The following THSD7A variants were observed in gnomAD, a reference collection of about 807,000 sequenced individuals.
THSD7A encodes the protein thrombospondin type 1 domain containing 7A.
THSD7A carries 96 observed loss-of-function variants against 231.3 expected under a neutral mutation model. The ratio of observed to expected loss-of-function variants is 0.41; its 90% CI spans 0.35 to 0.49. THSD7A has a LOEUF of 0.49. Ranked by LOEUF, THSD7A falls within the 20% of genes least tolerant of loss-of-function variation. The probability of loss-of-function intolerance (pLI) is 0.05; values close to 1 mark genes in which losing one functional copy is unlikely to be tolerated. For missense variants in THSD7A, 2,290 were observed against 2,070.2 expected (o/e 1.11, Z -2.06); for synonymous variants, 940 against 743.3 (o/e 1.26, Z -4.30).
chr7:11,481,810 A>G lies in THSD7A; in HGVS notation c.1995T>C (p.Ile665=). The G allele has an allele frequency of 1.9e-6, 3 of 1,613,296 alleles. No individual in the cohort carries two copies. The highest frequency in any genetic ancestry group is 2.5e-6 in the Non-Finnish European group (3 of 1,179,456). The stretch of plus-strand genomic sequence containing the variant: ...CACCTTCTTCACCCGCATAGGCCAG[A>G]ATGGATCGTGCTCGTATCTGTTTCC... ...TEGKQIRARS[I]LAYAGEEGGI... The change falls in exon 7 of 28, where the codon ATT becomes ATC. Residue 665 remains isoleucine, a synonymous_variant. Coordinates refer to ENST00000423059, the MANE Select transcript of THSD7A (RefSeq NM_015204.3).
In THSD7A at chr7:11,700,768, T is replaced by A. The variant is rs529139480; in HGVS notation, c.191-63807A>T. Among the ~76,000 whole-genome samples, 28 of 151,316 alleles carry A rather than the reference T, an allele frequency of 1.9e-4. No homozygotes were observed. The East Asian group carries it at 5.1e-3, about 28-fold the overall frequency. On this transcript the variant is annotated intron_variant, in intron 1 of 27. Coordinates refer to ENST00000423059, the MANE Select transcript of THSD7A (RefSeq NM_015204.3). ...TTGCTCTTGCTCTTATTGCCTTATCTATCTAATAAGTTATTCCTGTATTCA... is the reference window on the plus strand; with the variant it reads ...TTGCTCTTGCTCTTATTGCCTTATCAATCTAATAAGTTATTCCTGTATTCA...
At chr7:11,450,160 T>A (rs1283128697) in intron 11 of THSD7A, among the ~76,000 whole-genome samples, 1 of 152,026 alleles carries the variant, frequency 6.6e-6, no homozygotes, top group Non-Finnish European at 1.5e-5. Context: ...CATTATCCTG[T>A]TATGTGACAC....
intron 1 of THSD7A, among the ~76,000 whole-genome samples, chr7:11,812,031 C>G (rs1479904224): frequency 1.3e-5 from 2 of 151,170 alleles, no homozygotes; most frequent in African/African-American, 4.9e-5. Context: ...GAGAAAAGAA[C>G]CACTGAGCAT....
intron 1 of THSD7A, among the ~76,000 whole-genome samples, chr7:11,808,925 T>G (rs902547667): frequency 3.3e-5 from 5 of 152,124 alleles, no homozygotes; most frequent in Admixed American, 1.3e-4. Context: ...ATTAAATACT[T>G]AAACCATACA....
Position 11,379,784 on chromosome 7 carries a change from C to A in THSD7A, c.4508-72G>T, listed in dbSNP as rs1159611039. The A allele has an allele frequency of 3.4e-6, 5 of 1,460,614 alleles. No individual in the cohort carries two copies. The Admixed American group carries it at 5.9e-5, about 17-fold the overall frequency. 90.5% of individuals were successfully genotyped at this position (1,460,614 alleles called of 1,614,324 possible). A position where few individuals can be genotyped will look rare whatever the true frequency, so the allele number is the denominator to read the frequency against. On this transcript the variant is annotated intron_variant, in intron 24 of 27. Coordinates refer to ENST00000423059, the MANE Select transcript of THSD7A (RefSeq NM_015204.3). ...GATGAAAATACACTGTGGTTAGTGA[C>A]TTGTCTTTGAATCTTGAACCACCTT...
intron 6 of THSD7A, among the ~76,000 whole-genome samples, chr7:11,517,287 C>T (rs1435120254): frequency 6.6e-6 from 1 of 152,010 alleles, no homozygotes; most frequent in African/African-American, 2.4e-5. Flanking sequence ...ACTATGTTGG[C>T]CAGGCTGGTC....
At chr7:11,477,224 A>G (rs1786229344) in intron 7 of THSD7A, among the ~76,000 whole-genome samples, 2 of 152,232 alleles carry the variant, frequency 1.3e-5, no homozygotes, top group Admixed American at 1.3e-4. Context: ...ACAGTTTTTC[A>G]ATTGTTTCTT....
chr7:11,797,073 C>T (rs1189985326), intron 1 of THSD7A, among the ~76,000 whole-genome samples: 1 of 152,140 alleles, frequency 6.6e-6, no homozygotes, highest in Non-Finnish European at 1.5e-5. Context: ...ACTCCCCAGA[C>T]ATCCTGGGAA....
chr7:11,561,628 T>A (rs1790080011), intron 4 of THSD7A, among the ~76,000 whole-genome samples: 3 of 152,094 alleles, frequency 2.0e-5, no homozygotes, highest in African/African-American at 7.2e-5. Context: ...CCCAACAACT[T>A]GTGAGGCCAA....
At chr7:11,651,479 T>TCTA (rs1562443742) in intron 1 of THSD7A, among the ~76,000 whole-genome samples, 2 of 134,648 alleles carry the variant, frequency 1.5e-5, no homozygotes, top group African/African-American at 5.8e-5. Flanking sequence ...TATCTATCTA[T>TCTA]CTATCAACTA....
At chr7:11,818,874 GT>G (rs60803827) in intron 1 of THSD7A, among the ~76,000 whole-genome samples, 54,965 of 151,598 alleles carry the variant, frequency 0.36, 10,738 homozygotes, top group East Asian at 0.52. Flanking sequence ...TTCCCATGTG[GT>G]TTTTTTTCAT....
chr7:11,601,996 A>T (rs1780568973), intron 2 of THSD7A, among the ~76,000 whole-genome samples: 1 of 152,104 alleles, frequency 6.6e-6, no homozygotes, highest in Non-Finnish European at 1.5e-5. Flanking sequence ...CTGGCTATAA[A>T]TCTGTTTGTT....
intron 2 of THSD7A, among the ~76,000 whole-genome samples, chr7:11,621,633 C>T (rs2079821945): frequency 6.6e-6 from 1 of 151,996 alleles, no homozygotes; most frequent in African/African-American, 2.4e-5. Flanking sequence ...GACATAAATC[C>T]TTGGCACTTA....
chr7:11,475,852 T>C (rs1786148453), intron 7 of THSD7A, among the ~76,000 whole-genome samples: 1 of 150,726 alleles, frequency 6.6e-6, no homozygotes, highest in South Asian at 2.1e-4. Context: ...TCTCTGCTTG[T>C]ATAAGACAGG....
At chr7:11,387,069 T>C (rs1029121729) in intron 23 of THSD7A, among the ~76,000 whole-genome samples, 1 of 152,228 alleles carries the variant, frequency 6.6e-6, no homozygotes, top group Non-Finnish European at 1.5e-5. Flanking sequence ...CATTGGTCTA[T>C]ATATCTGTTT....
intron 6 of THSD7A, among the ~76,000 whole-genome samples, chr7:11,511,670 A>G (rs1167797455): frequency 6.6e-6 from 1 of 152,236 alleles, no homozygotes; most frequent in African/African-American, 2.4e-5. Context: ...CCTGAGAAAA[A>G]CAAGCAATGG....
chr7:11,546,202 G>GCGCGCGCACACACA (rs761841418), intron 4 of THSD7A, among the ~76,000 whole-genome samples: 13 of 129,448 alleles, frequency 1.0e-4, no homozygotes, highest in African/African-American at 2.3e-4. Context: ...GTGGGCGCGC[G>GCGCGCGCACACACA]CTCACACACA....
chr7:11,389,711 T>C (rs914661711), intron 23 of THSD7A, among the ~76,000 whole-genome samples: 2 of 151,986 alleles, frequency 1.3e-5, no homozygotes, highest in African/African-American at 4.8e-5. Context: ...AGTTTCTTCA[T>C]AGTGTTGATG....
Position 11,637,784 on chromosome 7 carries a change from T to G in THSD7A, c.191-823A>C, listed in dbSNP as rs1426568341. Among the ~76,000 whole-genome samples, 3 of 150,826 alleles carry G rather than the reference T, an allele frequency of 2.0e-5. No individual in the cohort carries two copies. Among genetic ancestry groups the G allele is most frequent in the East Asian group, 1.9e-4 (1 of 5,198 alleles). The stretch of plus-strand genomic sequence containing the variant: ...CAGTGGCTTTAATATGAAATATGGG[T>G]TTTTTTCTGTGAAATCCTTCTTAGA... On this transcript the variant is annotated intron_variant, in intron 1 of 27. Coordinates refer to ENST00000423059, the MANE Select transcript of THSD7A (RefSeq NM_015204.3). This position sits in a 1 kb window ranked among gnomAD's most constrained non-coding sequence, Gnocchi z 4.2.
Sources: gnomAD v4.1 joint callset for allele counts (sites outside exome capture counted in the v4.1 genomes callset) on GRCh38, gnomAD v4.1.1 for gene constraint, Gnocchi (gnomAD v3.1) non-coding constraint, MANE v1.5 for transcripts, NCBI Gene and HGNC (gene_info 2026-07-23, HGNC 2026-07-21) for gene names.